Variants in ABL2 observed in about 807,000 individuals in gnomAD.
The protein encoded by ABL2 is ABL proto-oncogene 2, non-receptor tyrosine kinase, also known as tyrosine-protein kinase ABL2.
A neutral mutation model predicts 107.7 loss-of-function variants in ABL2; 49 were observed. The ratio of observed to expected loss-of-function variants is 0.45; its 90% CI spans 0.36 to 0.58. The LOEUF (loss-of-function observed/expected upper bound fraction) is 0.58, where lower values mean the gene tolerates loss of function less well. Ranked by LOEUF, ABL2 falls within the 20% of genes least tolerant of loss-of-function variation. The pLI, the probability that ABL2 is intolerant of heterozygous loss-of-function variation, is 0.00. For synonymous variants in ABL2, 549 were observed against 548.6 expected (o/e 1.00, Z -0.01); for missense variants, 1,245 against 1,457.0 (o/e 0.85, Z 2.37).
intron 1 of ABL2, chr1:179,143,090 G>A (rs749562821): frequency 6.3e-7 from 1 of 1,598,494 alleles, no homozygotes; most frequent in Non-Finnish European, 8.5e-7. Flanking sequence ...GTGTAAAGAG[G>A]AAGTCTTAGA....
At chr1:179,188,222 G>C (rs1660784466) in intron 1 of ABL2, among the ~76,000 whole-genome samples, 1 of 152,146 alleles carries the variant, frequency 6.6e-6, no homozygotes, top group Admixed American at 6.6e-5. Context: ...TACCCCATCA[G>C]AGGCTTTCCC....
Position 179,108,100 on chromosome 1 carries a change from G to C in ABL2, c.3167C>G (p.Ala1056Gly). 1.9e-6 allele frequency: 3 copies of C among 1,614,242 alleles called. No individual in the cohort carries two copies. The highest frequency in any genetic ancestry group is 2.5e-6 in the Non-Finnish European group (3 of 1,180,044). The change falls in exon 12 of 12, where the codon GCC becomes GGC. Residue 1056 changes from alanine to glycine, a missense_variant. By Grantham distance (60) the Ala-to-Gly change is moderately conservative. Coordinates refer to ENST00000502732, the MANE Select transcript of ABL2 (RefSeq NM_007314.4). ...ACCTGCTGTGCCATTGGCCATTTTG[G>C]CTGGCGAGATGGAAGATGTGGGCAG... The part of the protein sequence containing the change: ...VPLPTSSISP[A>G]KMANGTAGTK...
At chr1:179,194,428 G>A (rs1359380285) in intron 1 of ABL2, among the ~76,000 whole-genome samples, 1 of 152,116 alleles carries the variant, frequency 6.6e-6, no homozygotes, top group East Asian at 1.9e-4. Flanking sequence ...GGTTATCAAA[G>A]ATAAATTTGA....
chr1:179,189,430 T>C (rs1401539198), intron 1 of ABL2, among the ~76,000 whole-genome samples: 1 of 151,954 alleles, frequency 6.6e-6, no homozygotes, highest in Non-Finnish European at 1.5e-5. Context: ...CACCGCGCCC[T>C]GCCCTGTTCT....
In ABL2 at chr1:179,101,789, G is replaced by A. The variant is rs1653109755; in HGVS notation, c.*5929C>T. On this transcript the variant is annotated 3_prime_UTR_variant, in exon 12 of 12. Transcript: ENST00000502732. Reference sequence around the variant, plus strand: ...AACTTCCCAAGAGACAGGCTGGACTGAGTCATGGGGGTGAGTGCTCCAGAG... The same window carrying A: ...AACTTCCCAAGAGACAGGCTGGACTAAGTCATGGGGGTGAGTGCTCCAGAG... 1.1e-5 allele frequency: 2 copies of A among 189,452 alleles called. No individual in the cohort carries two copies. The highest frequency in any genetic ancestry group is 1.7e-4 in the East Asian group (2 of 12,006). The allele number at this position is 189,452 out of a possible 1,614,324, so 11.7% of individuals were successfully genotyped here. A position where few individuals can be genotyped will look rare whatever the true frequency, so the allele number is the denominator to read the frequency against.
At chr1:179,133,524 C>T in intron 1 of ABL2, 150 bp from the exon 2 acceptor site, 1 of 1,274,380 alleles carries the variant, frequency 7.8e-7, no homozygotes, top group Non-Finnish European at 1.1e-6. Flanking sequence ...CTACTCCATA[C>T]CTCAAATTGT....
intron 4 of ABL2, among the ~76,000 whole-genome samples, chr1:179,123,431 G>C (rs910837377): frequency 2.6e-5 from 4 of 152,094 alleles, no homozygotes; most frequent in South Asian, 2.1e-4. Flanking sequence ...CTTGAACCTG[G>C]GAGGTGGAGG....
intron 1 of ABL2, among the ~76,000 whole-genome samples, chr1:179,168,785 T>C (rs923964509): frequency 1.3e-5 from 2 of 152,132 alleles, no homozygotes; most frequent in African/African-American, 4.8e-5. Flanking sequence ...TTTAAGGAAG[T>C]ATGTGAACAA....
intron 1 of ABL2, among the ~76,000 whole-genome samples, chr1:179,170,781 G>A (rs2102773160): frequency 6.6e-6 from 1 of 152,250 alleles, no homozygotes; most frequent in South Asian, 2.1e-4. Context: ...TTTTAGTAGA[G>A]ACAGGGTTTC....
intron 1 of ABL2, among the ~76,000 whole-genome samples, chr1:179,177,801 T>C (rs1041239445): frequency 6.6e-6 from 1 of 152,184 alleles, no homozygotes; most frequent in Non-Finnish European, 1.5e-5. Context: ...GAACTTCTCA[T>C]ACCTCAGTCA....
At chr1:179,117,294 A>T (rs1446275276) in intron 8 of ABL2, 38 bp downstream of exon 8, 5 of 1,595,866 alleles carry the variant, frequency 3.1e-6, no homozygotes, top group Non-Finnish European at 4.3e-6. Context: ...TAAAAAAAAA[A>T]ATAAAATGAC....
At chr1:179,153,939 G>A (rs191756085) in intron 1 of ABL2, among the ~76,000 whole-genome samples, 45 of 152,230 alleles carry the variant, frequency 3.0e-4, no homozygotes, top group African/African-American at 9.6e-4. Context: ...ACATGTACAT[G>A]TGTATGTTTT....
intron 1 of ABL2, among the ~76,000 whole-genome samples, chr1:179,159,370 C>T (rs923439432): frequency 2.6e-5 from 4 of 152,194 alleles, no homozygotes; most frequent in Admixed American, 2.6e-4. Context: ...TCACAGCTTG[C>T]TGGTGAAGGA....
chr1:179,099,729 C>T lies in ABL2; in HGVS notation c.*7989G>A, dbSNP rs1652947090. Reference sequence around the variant, plus strand: ...AACGAGTTTTAAAGAATTGAATCCGCATGTTTGGGGACAAAGTTCTGTCAA... The same window carrying T: ...AACGAGTTTTAAAGAATTGAATCCGTATGTTTGGGGACAAAGTTCTGTCAA... On this transcript the variant is annotated 3_prime_UTR_variant, in exon 12 of 12. Transcript: ENST00000502732. The T allele has an allele frequency of 4.3e-6, 1 of 230,878 alleles. No individual in the cohort carries two copies. Among genetic ancestry groups the T allele is most frequent in the Non-Finnish European group, 8.6e-6 (1 of 116,638 alleles). 14.3% of individuals were successfully genotyped at this position (230,878 alleles called of 1,614,324 possible).
intron 1 of ABL2, chr1:179,184,459 A>T: frequency 1.1e-6 from 1 of 945,852 alleles, no homozygotes; most frequent in Non-Finnish European, 1.6e-6. Flanking sequence ...TTTACTGACC[A>T]TTCTGATGCA....
chr1:179,224,494 C>A (rs1663085053), intron 1 of ABL2, among the ~76,000 whole-genome samples: 1 of 151,982 alleles, frequency 6.6e-6, no homozygotes, highest in South Asian at 2.1e-4. Context: ...ATCTCGAACT[C>A]CTGACCTCAG....
chr1:179,185,307 G>A (rs1660620427), intron 1 of ABL2, among the ~76,000 whole-genome samples: 1 of 152,138 alleles, frequency 6.6e-6, no homozygotes, highest in Non-Finnish European at 1.5e-5. Context: ...AGACATCCTT[G>A]CAGTTTAAGG....
chr1:179,150,927 C>A (rs1007892002), intron 1 of ABL2, among the ~76,000 whole-genome samples: 2 of 152,180 alleles, frequency 1.3e-5, no homozygotes, highest in Admixed American at 6.5e-5. Flanking sequence ...AATGTTGGGG[C>A]CAGGCCTTCC....
chr1:179,157,053 C>T (rs746341172), intron 1 of ABL2, among the ~76,000 whole-genome samples: 7 of 152,100 alleles, frequency 4.6e-5, no homozygotes, highest in Admixed American at 6.6e-5. Context: ...GCAGCAGCAA[C>T]AACTCTGCTT....
Sources: gnomAD v4.1 joint callset for allele counts (sites outside exome capture counted in the v4.1 genomes callset) on GRCh38, gnomAD v4.1.1 for gene constraint, MANE v1.5 for transcripts, NCBI Gene and HGNC (gene_info 2026-07-23, HGNC 2026-07-21) for gene names.